Variants in SNX29 observed in about 807,000 individuals in gnomAD.
SNX29 encodes the protein sorting nexin 29.
In SNX29, 78 loss-of-function variants were observed where a neutral mutation model predicts 102.1. The ratio of observed to expected loss-of-function variants is 0.76; its 90% CI spans 0.64 to 0.92. The LOEUF (loss-of-function observed/expected upper bound fraction) is 0.92, where lower values mean the gene tolerates loss of function less well. Ranked by LOEUF, SNX29 falls within the 40% of genes least tolerant of loss-of-function variation. The probability of loss-of-function intolerance (pLI) is 0.00; values close to 1 mark genes in which losing one functional copy is unlikely to be tolerated. For synonymous variants in SNX29, 580 were observed against 414.5 expected (o/e 1.40, Z -4.85); for missense variants, 1,280 against 1,061.7 (o/e 1.21, Z -2.86).
chr16:11,976,963 C>A, intron 1 of SNX29, 150 bp downstream of exon 1: 1 of 1,066,478 alleles, frequency 9.4e-7, no homozygotes, highest in Non-Finnish European at 1.2e-6. Context: ...GCCCCCAGGA[C>A]TCCCGGCTCG....
intron 13 of SNX29, among the ~76,000 whole-genome samples, chr16:12,195,462 T>G (rs1474317596): frequency 6.6e-6 from 1 of 152,234 alleles, no homozygotes; most frequent in Non-Finnish European, 1.5e-5. Context: ...AGCTCACCTG[T>G]CACCAACTGC....
At chr16:12,240,431 G>A (rs79965418) in intron 14 of SNX29, among the ~76,000 whole-genome samples, 5,948 of 151,986 alleles carry the variant, frequency 0.039, 418 homozygotes, top group African/African-American at 0.14. Flanking sequence ...AATTTTTCCA[G>A]GACTATTGAC....
At chr16:12,068,745 A>C (rs2051154683) in intron 9 of SNX29, among the ~76,000 whole-genome samples, 1 of 152,100 alleles carries the variant, frequency 6.6e-6, no homozygotes, top group African/African-American at 2.4e-5. Context: ...GGGTTTCACC[A>C]TGTTGGCCAG....
intron 13 of SNX29, among the ~76,000 whole-genome samples, chr16:12,174,155 T>C (rs928445380): frequency 1.3e-5 from 2 of 152,336 alleles, no homozygotes; most frequent in East Asian, 3.9e-4. Context: ...AACTGCATGT[T>C]CCTGTTAACT....
chr16:12,136,304 C>T (rs173262), intron 13 of SNX29, among the ~76,000 whole-genome samples: 62,192 of 152,144 alleles, frequency 0.41, 14,366 homozygotes, highest in African/African-American at 0.63. Flanking sequence ...TGATGCGTCA[C>T]GGTCACTGCT....
At chr16:12,109,001 T>G (rs374821193) in intron 11 of SNX29, among the ~76,000 whole-genome samples, 1 of 151,266 alleles carries the variant, frequency 6.6e-6, no homozygotes, top group South Asian at 2.1e-4. Context: ...TGTGACAGGC[T>G]CCTGTAACCC....
At chr16:12,244,124 A>C (rs1030493226) in intron 14 of SNX29, among the ~76,000 whole-genome samples, 1 of 152,028 alleles carries the variant, frequency 6.6e-6, no homozygotes. Context: ...GCCACCTCTG[A>C]TCTGACAGGA....
At chr16:12,545,833 G>T (rs968708466) in intron 20 of SNX29, among the ~76,000 whole-genome samples, 2 of 152,136 alleles carry the variant, frequency 1.3e-5, no homozygotes, top group Non-Finnish European at 2.9e-5. Flanking sequence ...GACCTGTGGG[G>T]GAGGGGAGCA....
chr16:12,408,105 C>G (rs1409675710), intron 18 of SNX29, among the ~76,000 whole-genome samples: 1 of 151,530 alleles, frequency 6.6e-6, no homozygotes, highest in Non-Finnish European at 1.5e-5. Flanking sequence ...TTGCACTGAG[C>G]TGTTATAATG....
intron 14 of SNX29, among the ~76,000 whole-genome samples, chr16:12,239,284 T>G (rs2078028920): frequency 6.6e-6 from 1 of 152,116 alleles, no homozygotes; most frequent in East Asian, 1.9e-4. Flanking sequence ...CTGACATGTA[T>G]TAGAGGTGGT....
intron 20 of SNX29, among the ~76,000 whole-genome samples, chr16:12,561,386 C>T (rs1482414396): frequency 6.6e-6 from 1 of 152,122 alleles, no homozygotes; most frequent in Non-Finnish European, 1.5e-5. Context: ...AGATGCTGGC[C>T]ACATCCCCGC....
chr16:12,436,496 T>C (rs887753520), intron 18 of SNX29, among the ~76,000 whole-genome samples: 11 of 152,228 alleles, frequency 7.2e-5, no homozygotes, highest in Non-Finnish European at 1.6e-4. Flanking sequence ...AAATCGCCTT[T>C]GTTGCTCAGG....
intron 18 of SNX29, among the ~76,000 whole-genome samples, chr16:12,463,817 A>T (rs1555544957): frequency 7.0e-5 from 10 of 143,270 alleles, no homozygotes; most frequent in Non-Finnish European, 7.7e-5. Flanking sequence ...TCCCGAAGTG[A>T]GTGTGTGTGT....
chr16:12,402,558 C>T (rs1054746861), intron 17 of SNX29, among the ~76,000 whole-genome samples: 2 of 152,220 alleles, frequency 1.3e-5, no homozygotes, highest in African/African-American at 4.8e-5. Context: ...AGCTTATTCG[C>T]TCTGTGTAAT....
intron 3 of SNX29, among the ~76,000 whole-genome samples, chr16:12,010,226 GT>G (rs772468860): frequency 1.3e-5 from 2 of 152,216 alleles, no homozygotes; most frequent in African/African-American, 2.4e-5. Context: ...TATGTAAGGT[GT>G]TTTGACACTT....
chr16:12,390,035 G>A (rs2151463709), intron 16 of SNX29, among the ~76,000 whole-genome samples: 1 of 152,280 alleles, frequency 6.6e-6, no homozygotes, highest in South Asian at 2.1e-4. Flanking sequence ...TCAGCCTGGA[G>A]GAATTCTAGG....
intron 15 of SNX29, among the ~76,000 whole-genome samples, chr16:12,289,175 G>T (rs188869398): frequency 3.3e-4 from 51 of 152,318 alleles, no homozygotes; most frequent in Non-Finnish European, 5.7e-4. Flanking sequence ...GCCTTGGATG[G>T]CAGGCCCCTT....
chr16:12,243,285 C>A (rs2142313929), intron 14 of SNX29, among the ~76,000 whole-genome samples: 1 of 152,326 alleles, frequency 6.6e-6, no homozygotes, highest in Non-Finnish European at 1.5e-5. Context: ...CTCCAGGTGA[C>A]CAAAGTCTGA....
chr16:12,340,426 C>T (rs1161711410), intron 15 of SNX29, among the ~76,000 whole-genome samples: 2 of 152,198 alleles, frequency 1.3e-5, no homozygotes, highest in Non-Finnish European at 2.9e-5. Context: ...GAGCTTTTAT[C>T]TGTTTGTTCC....
Sources: gnomAD v4.1 joint callset for allele counts (sites outside exome capture counted in the v4.1 genomes callset) on GRCh38, gnomAD v4.1.1 for gene constraint, MANE v1.5 for transcripts, NCBI Gene and HGNC (gene_info 2026-07-23, HGNC 2026-07-21) for gene names.